The following SPPL2A variants were observed in gnomAD, a reference collection of about 807,000 sequenced individuals.
SPPL2A encodes the protein signal peptide peptidase-like 2A.
SPPL2A carries 51 observed loss-of-function variants against 63.8 expected under a neutral mutation model. That is an observed-to-expected ratio of 0.80 (90% CI 0.64 to 1.01). SPPL2A has a LOEUF of 1.01. Ranked by LOEUF, SPPL2A falls within the 50% of genes least tolerant of loss-of-function variation. SPPL2A has a pLI of 0.00. For synonymous variants in SPPL2A, 188 were observed against 205.8 expected (o/e 0.91, Z 0.74); for missense variants, 553 against 622.7 (o/e 0.89, Z 1.19).
chr15:50,741,539 AT>A (rs1567161737), intron 5 of SPPL2A, among the ~76,000 whole-genome samples: 2 of 152,152 alleles, frequency 1.3e-5, no homozygotes, highest in Non-Finnish European at 2.9e-5. Flanking sequence ...ACAGAAATAC[AT>A]TTAAAGCAAT....
chr15:50,730,533 C>T (rs182044599), intron 10 of SPPL2A, among the ~76,000 whole-genome samples: 18 of 152,116 alleles, frequency 1.2e-4, no homozygotes, highest in East Asian at 3.9e-4. Context: ...TCATTCAACG[C>T]GTTAGTAAAT....
At chr15:50,726,238 G>A (rs2062686769) in intron 11 of SPPL2A, 83 bp downstream of exon 11, 3 of 1,502,472 alleles carry the variant, frequency 2.0e-6, no homozygotes, top group African/African-American at 1.4e-5. Flanking sequence ...TATGTGGCCA[G>A]TGAATTACAC....
At chr15:50,745,119 T>C (rs1274929154) in intron 5 of SPPL2A, among the ~76,000 whole-genome samples, 3 of 152,060 alleles carry the variant, frequency 2.0e-5, no homozygotes, top group Non-Finnish European at 2.9e-5. Context: ...ACTTAGAAAA[T>C]ATAATTTTTA....
intron 14 of SPPL2A, 72 bp downstream of exon 14, chr15:50,719,868 G>T: frequency 1.7e-6 from 2 of 1,162,008 alleles, no homozygotes; most frequent in Non-Finnish European, 2.5e-6. Flanking sequence ...CTACATATAG[G>T]CTGTTCCCAC....
At chr15:50,724,779 G>A (rs1441005985) in intron 12 of SPPL2A, among the ~76,000 whole-genome samples, 3 of 152,124 alleles carry the variant, frequency 2.0e-5, no homozygotes, top group Non-Finnish European at 4.4e-5. Flanking sequence ...GTGTCTTTTT[G>A]TATTACGCAG....
chr15:50,734,015 A>G (rs2062750312), intron 8 of SPPL2A, among the ~76,000 whole-genome samples: 1 of 152,160 alleles, frequency 6.6e-6, no homozygotes, highest in African/African-American at 2.4e-5. Flanking sequence ...AGGATGTGGG[A>G]AAAGGGGAAA....
chr15:50,756,603 G>C (rs12916038), intron 1 of SPPL2A, among the ~76,000 whole-genome samples: 2 of 151,760 alleles, frequency 1.3e-5, no homozygotes, highest in South Asian at 2.1e-4. Flanking sequence ...GAGCTAAAAG[G>C]GGGTGGGCAT....
intron 14 of SPPL2A, among the ~76,000 whole-genome samples, chr15:50,710,148 A>G (rs1596373577): frequency 1.3e-5 from 2 of 152,174 alleles, no homozygotes; most frequent in East Asian, 3.8e-4. Flanking sequence ...AAGCAGCCTC[A>G]GCAGAATGGA....
intron 3 of SPPL2A, 30 bp downstream of exon 3, chr15:50,748,658 A>G (rs767612538): frequency 2.3e-5 from 33 of 1,445,434 alleles, no homozygotes; most frequent in African/African-American, 2.9e-5. Flanking sequence ...CATGAACTCA[A>G]AATAAGATAT....
At chr15:50,755,749 G>T (rs1207916495) in intron 1 of SPPL2A, among the ~76,000 whole-genome samples, 1 of 151,196 alleles carries the variant, frequency 6.6e-6, no homozygotes, top group Non-Finnish European at 1.5e-5. Flanking sequence ...CCCTTCTGGA[G>T]ATTCTGACAT....
intron 6 of SPPL2A, 47 bp downstream of exon 6, chr15:50,739,632 GA>G (rs762481360): frequency 9.8e-6 from 13 of 1,326,920 alleles, no homozygotes; most frequent in Non-Finnish European, 1.2e-5. Context: ...AATAGTCAGT[GA>G]AAAGAATGTA....
intron 5 of SPPL2A, chr15:50,742,749 AT>A (rs2062832146): frequency 6.6e-6 from 1 of 152,070 alleles, no homozygotes; most frequent in Non-Finnish European, 1.5e-5. Flanking sequence ...AAAATCCATG[AT>A]CCTGCAGGTA....
At position 50,765,540 on chromosome 15, in the gene SPPL2A, G is replaced by A; in HGVS notation, c.-7C>T. On this transcript the variant is annotated 5_prime_UTR_variant, in exon 1 of 15. Transcript: ENST00000261854. ...GCCGCCGCTGCGGCCCCATCGGACT[G>A]GTGGGTGCCGGGTGGGACGGCACGG... The A allele has an allele frequency of 1.3e-6, 2 of 1,489,536 alleles. No homozygotes were observed. Among genetic ancestry groups the A allele is most frequent in the Non-Finnish European group, 1.8e-6 (2 of 1,127,348 alleles). The allele number at this position is 1,489,536 out of a possible 1,614,324, so 92.3% of individuals were successfully genotyped here.
At chr15:50,763,921 A>C (rs550922801) in intron 1 of SPPL2A, among the ~76,000 whole-genome samples, 44 of 152,254 alleles carry the variant, frequency 2.9e-4, no homozygotes, top group African/African-American at 5.1e-4. Context: ...ACAACAACAA[A>C]AAAAGGCCTA....
intron 8 of SPPL2A, 133 bp downstream of exon 8, chr15:50,735,968 A>G (rs2062768061): frequency 1.8e-6 from 1 of 566,364 alleles, no homozygotes; most frequent in African/African-American, 2.0e-5. Flanking sequence ...TGCTTATTTA[A>G]GAAGTAGTTC....
At chr15:50,717,630 T>G (rs571840227) in intron 14 of SPPL2A, among the ~76,000 whole-genome samples, 1 of 152,306 alleles carries the variant, frequency 6.6e-6, no homozygotes, top group Non-Finnish European at 1.5e-5. Flanking sequence ...TCTTGCTTCC[T>G]TCTCCAGCTT....
Position 50,722,643 on chromosome 15 carries a change from G to A in SPPL2A, c.1250-442C>T, listed in dbSNP as rs191142225. 2.2e-3 allele frequency among the ~76,000 whole-genome samples: 334 copies of A among 152,270 alleles called. 3 individuals are homozygous for A. Among genetic ancestry groups the A allele is most frequent in the African/African-American group, 7.6e-3 (317 of 41,560 alleles). On this transcript the variant is annotated intron_variant, in intron 12 of 14. Transcript: ENST00000261854. ...GGCTAATTTTTTGTATTTTAGTAGA[G>A]ATGGGGTTTCATCATGTTGGTCAGG... is the stretch of plus-strand genomic sequence containing the variant.
chr15:50,735,978 C>A (rs560210619), intron 8 of SPPL2A, 123 bp downstream of exon 8: 2 of 598,408 alleles, frequency 3.3e-6, no homozygotes, highest in Middle Eastern at 4.1e-4. Context: ...AGAAGTAGTT[C>A]ATTACAAGAC....
chr15:50,725,924 C>A, intron 11 of SPPL2A: 3 of 313,714 alleles, frequency 9.6e-6, no homozygotes, highest in South Asian at 3.3e-5. Context: ...TTCTCTTTAC[C>A]AAGGATAGAA....
Sources: allele counts gnomAD v4.1 joint callset (sites outside exome capture counted in the v4.1 genomes callset), GRCh38; gene constraint gnomAD v4.1.1; transcripts MANE v1.5; gene names NCBI Gene and HGNC (gene_info 2026-07-23, HGNC 2026-07-21).